Variants in CFAP299 observed in about 807,000 individuals in gnomAD.
CFAP299 encodes the protein cilia- and flagella-associated protein 299.
A neutral mutation model predicts 27.0 loss-of-function variants in CFAP299; 21 were observed. The observed-to-expected ratio is 0.78, with a 90% CI of 0.55 to 1.12. The LOEUF is 1.12. Ranked by LOEUF, CFAP299 falls within the 50% of genes most tolerant of loss-of-function variation. The probability of loss-of-function intolerance (pLI) is 0.00; values close to 1 mark genes in which losing one functional copy is unlikely to be tolerated. For missense variants in CFAP299, 310 were observed against 276.6 expected, an observed-to-expected ratio of 1.12 and a Z score of -0.86; for synonymous variants, 104 against 98.1, an observed-to-expected ratio of 1.06 and a Z score of -0.36.
intron 4 of CFAP299, among the ~76,000 whole-genome samples, chr4:80,901,883 C>A (rs1188438117): frequency 6.6e-6 from 1 of 152,078 alleles, no homozygotes; most frequent in Non-Finnish European, 1.5e-5. Flanking sequence ...TCAAGGATTA[C>A]CAGCTGAGTT....
At chr4:80,522,648 T>G (rs1732980236) in intron 2 of CFAP299, among the ~76,000 whole-genome samples, 1 of 152,184 alleles carries the variant, frequency 6.6e-6, no homozygotes, top group Non-Finnish European at 1.5e-5. Context: ...ATGTTTGTCT[T>G]TAATCTATCT....
At chr4:80,627,184 G>T (rs962433673) in intron 3 of CFAP299, among the ~76,000 whole-genome samples, 4 of 151,786 alleles carry the variant, frequency 2.6e-5, no homozygotes, top group African/African-American at 9.7e-5. Context: ...ATGCAAGGAT[G>T]GTCCTATATA....
chr4:80,909,772 A>G (rs912617688), intron 4 of CFAP299, among the ~76,000 whole-genome samples: 3 of 152,114 alleles, frequency 2.0e-5, no homozygotes, highest in Non-Finnish European at 2.9e-5. Flanking sequence ...GATTTTAAAA[A>G]GAACAAATAG....
At chr4:80,596,981 A>G (rs1425767942) in intron 3 of CFAP299, among the ~76,000 whole-genome samples, 1 of 152,090 alleles carries the variant, frequency 6.6e-6, no homozygotes, top group African/African-American at 2.4e-5. Context: ...CTTTTTATGG[A>G]CAATGGATTG....
intron 3 of CFAP299, among the ~76,000 whole-genome samples, chr4:80,854,551 A>G (rs979639489): frequency 1.3e-5 from 2 of 152,022 alleles, no homozygotes; most frequent in Admixed American, 6.6e-5. Flanking sequence ...CCCAGCCATT[A>G]TAACAGGATG....
intron 4 of CFAP299, among the ~76,000 whole-genome samples, chr4:80,909,466 A>G (rs1036422355): frequency 4.6e-5 from 7 of 152,030 alleles, no homozygotes; most frequent in Admixed American, 2.0e-4. Flanking sequence ...ACATATTAAT[A>G]ACATATAATT....
At chr4:80,327,703 T>TTCA in the CFAP299 span, among the ~76,000 whole-genome samples, 1,164 of 133,166 alleles carry the variant, frequency 8.7e-3, 39 homozygotes, top group African/African-American at 0.034. Context: ...TATATATATA[T>TTCA]ATATATATAT....
At chr4:80,393,602 C>G (rs1367487492) in intron 2 of CFAP299, among the ~76,000 whole-genome samples, 1 of 152,076 alleles carries the variant, frequency 6.6e-6, no homozygotes, top group Non-Finnish European at 1.5e-5. Context: ...TTCCAATTGC[C>G]TGCAGTATTC....
intron 2 of CFAP299, among the ~76,000 whole-genome samples, chr4:80,542,687 C>T (rs1174582952): frequency 6.6e-6 from 1 of 152,082 alleles, no homozygotes; most frequent in Non-Finnish European, 1.5e-5. Context: ...TGCATTCACA[C>T]AGTGTAGCCT....
At chr4:80,486,631 G>A (rs901890925) in intron 2 of CFAP299, among the ~76,000 whole-genome samples, 4 of 152,218 alleles carry the variant, frequency 2.6e-5, no homozygotes, top group African/African-American at 9.6e-5. Flanking sequence ...GGGTTCTTGT[G>A]CTTTCTAAAG....
chr4:80,861,073 G>A (rs1578192574), intron 3 of CFAP299, among the ~76,000 whole-genome samples: 1 of 152,188 alleles, frequency 6.6e-6, no homozygotes, highest in East Asian at 1.9e-4. Context: ...ACCAGTTGGA[G>A]CTTTCAGCTG....
chr4:80,438,274 G>T (rs767219733), intron 2 of CFAP299, among the ~76,000 whole-genome samples: 7 of 152,144 alleles, frequency 4.6e-5, no homozygotes, highest in Non-Finnish European at 8.8e-5. Context: ...GCTGTTTGGT[G>T]CAGGTTTGAT....
chr4:80,844,211 CAT>C (rs1365734680), intron 3 of CFAP299, among the ~76,000 whole-genome samples: 5 of 152,120 alleles, frequency 3.3e-5, no homozygotes, highest in African/African-American at 1.2e-4. Flanking sequence ...CCACAATAAA[CAT>C]ATGTGTGTAT....
chr4:80,402,059 A>G (rs942341170), intron 2 of CFAP299, among the ~76,000 whole-genome samples: 11 of 152,204 alleles, frequency 7.2e-5, no homozygotes, highest in African/African-American at 2.6e-4. Context: ...GGCAATATTT[A>G]CCCAATACCT....
chr4:80,843,578 C>A (rs141349753), intron 3 of CFAP299, among the ~76,000 whole-genome samples: 6,070 of 151,982 alleles, frequency 0.04, 182 homozygotes, highest in East Asian at 0.13. Flanking sequence ...GATTTATAAT[C>A]CTTTGGGTAT....
intron 3 of CFAP299, among the ~76,000 whole-genome samples, chr4:80,848,807 G>A (rs1239440810): frequency 6.6e-6 from 1 of 151,916 alleles, no homozygotes; most frequent in African/African-American, 2.4e-5. Context: ...AACAAAAACA[G>A]TATAAGAGAT....
At chr4:80,614,619 G>T (rs1201032810) in intron 3 of CFAP299, among the ~76,000 whole-genome samples, 1 of 152,166 alleles carries the variant, frequency 6.6e-6, no homozygotes, top group Non-Finnish European at 1.5e-5. Flanking sequence ...TTGGTTGACA[G>T]AGAAATTAGA....
At chr4:80,729,125 C>A (rs144617016) in intron 3 of CFAP299, among the ~76,000 whole-genome samples, 13 of 152,300 alleles carry the variant, frequency 8.5e-5, no homozygotes, top group Admixed American at 4.6e-4. Flanking sequence ...TTCATAGATT[C>A]TCTAGTCATC....
At chr4:80,501,046 T>C (rs1438096769) in intron 2 of CFAP299, among the ~76,000 whole-genome samples, 1 of 152,094 alleles carries the variant, frequency 6.6e-6, no homozygotes, top group Non-Finnish European at 1.5e-5. Context: ...GATTGTTTAA[T>C]TGAAAGTGGG....
Sources: allele counts gnomAD v4.1 joint callset (sites outside exome capture counted in the v4.1 genomes callset), GRCh38; gene constraint gnomAD v4.1.1; transcripts MANE v1.5; gene names NCBI Gene and HGNC (gene_info 2026-07-23, HGNC 2026-07-21).